The following PLPPR5 variants were observed in gnomAD, a reference collection of about 807,000 sequenced individuals.
PLPPR5 encodes phospholipid phosphatase related 5, also known as phospholipid phosphatase-related protein type 5.
Under a neutral mutation model 33.9 loss-of-function variants are expected in PLPPR5, and 16 were observed. That is an observed-to-expected ratio of 0.47 (90% CI 0.32 to 0.72). The LOEUF is 0.72. Among genes scored for constraint, PLPPR5 ranks in the 30% least tolerant of loss-of-function variants. The pLI is 0.03. For synonymous variants in PLPPR5, 163 were observed against 150.3 expected, an observed-to-expected ratio of 1.08 and a Z score of -0.62; for missense variants, 301 against 406.7, an observed-to-expected ratio of 0.74 and a Z score of 2.23.
At chr1:98,988,027 T>C (rs1348797110) in intron 1 of PLPPR5, among the ~76,000 whole-genome samples, 1 of 152,102 alleles carries the variant, frequency 6.6e-6, no homozygotes, top group Non-Finnish European at 1.5e-5. Context: ...TTTGCACAAG[T>C]GCAGTAAGAG....
Position 98,956,627 on chromosome 1 carries a change from G to C in PLPPR5, c.352C>G (p.Arg118Gly). 6.3e-7 allele frequency: 1 copy of C among 1,586,152 alleles called. No individual in the cohort carries two copies. The highest frequency in any genetic ancestry group is 8.5e-7 in the Non-Finnish European group (1 of 1,170,584). Residue 118 changes from arginine (R) to glycine (G), a missense_variant, in exon 2 of 6, where the codon CGA becomes GGA. Physicochemically the swap from Arg to Gly is moderately radical, Grantham distance 125. Transcript: ENST00000263177. ...DCCYINPLVR[R>G]TVRFLGIYTF... ...CACATACCAAGAAATCGGACAGTTCGGCGCACCAGCGGGTTTATATAGCAA... is the reference window on the plus strand; with the variant it reads ...CACATACCAAGAAATCGGACAGTTCCGCGCACCAGCGGGTTTATATAGCAA...
chr1:98,958,763 T>G (rs1651117728), intron 1 of PLPPR5, among the ~76,000 whole-genome samples: 1 of 152,184 alleles, frequency 6.6e-6, no homozygotes, highest in Non-Finnish European at 1.5e-5. Flanking sequence ...ATGATGATGC[T>G]TTCTGGGTTT....
At chr1:98,963,330 C>T (rs570366960) in intron 1 of PLPPR5, among the ~76,000 whole-genome samples, 3 of 152,272 alleles carry the variant, frequency 2.0e-5, no homozygotes, top group East Asian at 1.9e-4. Context: ...TTTGCATATG[C>T]GTTTATAAGT....
At chr1:98,902,422 G>C (rs772952864) in intron 5 of PLPPR5, among the ~76,000 whole-genome samples, 1 of 151,648 alleles carries the variant, frequency 6.6e-6, no homozygotes, top group Admixed American at 6.6e-5. Flanking sequence ...TTCGTTTTTT[G>C]TTTTGCTTAT....
At position 99,002,296 on chromosome 1, in the gene PLPPR5, G is replaced by A. The variant is rs77564461; in HGVS notation, c.237+2139C>T. ...TAAAAGAACTAAAAGCCAAAACATC[G>A]AAATCAAGTTGGATTCTGACTTCAG... On this transcript the variant is annotated intron_variant, in intron 1 of 5. Coordinates refer to ENST00000263177, the MANE Select transcript of PLPPR5 (RefSeq NM_001037317.2). Among the ~76,000 whole-genome samples the A allele has an allele frequency of 4.5e-3, 686 of 152,118 alleles. 7 individuals carry two copies. Among genetic ancestry groups the A allele is most frequent in the Non-Finnish European group, 6.3e-3 (429 of 67,998 alleles).
intron 4 of PLPPR5, among the ~76,000 whole-genome samples, chr1:98,917,783 A>T (rs1279187286): frequency 1.3e-5 from 2 of 152,188 alleles, no homozygotes; most frequent in African/African-American, 2.4e-5. Flanking sequence ...TATGAAATTA[A>T]ACATCATTTA....
chr1:98,906,609 T>A (rs755715038), intron 5 of PLPPR5, among the ~76,000 whole-genome samples: 7 of 152,146 alleles, frequency 4.6e-5, no homozygotes, highest in Non-Finnish European at 1.0e-4. Context: ...AAGTCCAAAG[T>A]AACTGGAGTA....
At chr1:98,986,410 A>G (rs768939643) in intron 1 of PLPPR5, among the ~76,000 whole-genome samples, 2 of 151,902 alleles carry the variant, frequency 1.3e-5, no homozygotes, top group Admixed American at 1.3e-4. Flanking sequence ...CTAAAACTTA[A>G]GGTTACTAGG....
intron 1 of PLPPR5, among the ~76,000 whole-genome samples, chr1:98,986,745 G>A (rs1248778524): frequency 6.6e-6 from 1 of 151,720 alleles, no homozygotes; most frequent in African/African-American, 2.4e-5. Flanking sequence ...TTCTAAATAG[G>A]GAACATTACA....
intron 3 of PLPPR5, among the ~76,000 whole-genome samples, chr1:98,951,298 T>C (rs1650775225): frequency 6.6e-6 from 1 of 152,164 alleles, no homozygotes; most frequent in African/African-American, 2.4e-5. Context: ...GGAAAGAATA[T>C]GCATGGGCTA....
intron 3 of PLPPR5, among the ~76,000 whole-genome samples, chr1:98,925,351 A>G (rs1055568752): frequency 6.6e-6 from 1 of 152,160 alleles, no homozygotes; most frequent in Non-Finnish European, 1.5e-5. Context: ...TCGCAGGCCA[A>G]TCCATTTAAT....
At chr1:98,920,107 G>A (rs766617706) in intron 4 of PLPPR5, among the ~76,000 whole-genome samples, 7 of 152,160 alleles carry the variant, frequency 4.6e-5, no homozygotes, top group African/African-American at 7.2e-5. Context: ...TGCAATTGGA[G>A]GGTCTTGAGC....
At chr1:98,992,505 C>T (rs1030667825) in intron 1 of PLPPR5, among the ~76,000 whole-genome samples, 1 of 152,058 alleles carries the variant, frequency 6.6e-6, no homozygotes, top group African/African-American at 2.4e-5. Context: ...GTGAAAATCA[C>T]ACTGTAAGAA....
At chr1:98,936,027 G>C (rs952632985) in intron 3 of PLPPR5, among the ~76,000 whole-genome samples, 1 of 152,162 alleles carries the variant, frequency 6.6e-6, no homozygotes, top group Non-Finnish European at 1.5e-5. Flanking sequence ...GAACAGACAC[G>C]GGGGACGTTC....
intron 1 of PLPPR5, among the ~76,000 whole-genome samples, chr1:98,958,060 CTA>C (rs1651080131): frequency 6.6e-6 from 1 of 152,186 alleles, no homozygotes; most frequent in Admixed American, 6.5e-5. Context: ...AAATTTCTCT[CTA>C]ATACTATGAA....
chr1:98,917,805 T>C (rs1161518207), intron 4 of PLPPR5, among the ~76,000 whole-genome samples: 1 of 152,220 alleles, frequency 6.6e-6, no homozygotes, highest in Non-Finnish European at 1.5e-5. Flanking sequence ...AGTAATACTT[T>C]GATTGATGTG....
At chr1:98,998,012 G>C (rs1321253597) in intron 1 of PLPPR5, among the ~76,000 whole-genome samples, 2 of 152,024 alleles carry the variant, frequency 1.3e-5, no homozygotes, top group African/African-American at 4.8e-5. Flanking sequence ...AACACTAACT[G>C]GTGTTATGGT....
chr1:98,966,617 G>A (rs1651458993), intron 1 of PLPPR5, among the ~76,000 whole-genome samples: 2 of 152,180 alleles, frequency 1.3e-5, no homozygotes, highest in Admixed American at 1.3e-4. Context: ...ACAGTTAAGG[G>A]AAGTGGAGGG....
chr1:98,905,478 C>T (rs1332554528), intron 5 of PLPPR5, among the ~76,000 whole-genome samples: 4 of 152,066 alleles, frequency 2.6e-5, no homozygotes, highest in Admixed American at 6.5e-5. Context: ...AATGCTTGAA[C>T]ATTTTTCCTA....
Sources: allele counts gnomAD v4.1 joint callset (sites outside exome capture counted in the v4.1 genomes callset), GRCh38; gene constraint gnomAD v4.1.1; transcripts MANE v1.5; gene names NCBI Gene and HGNC (gene_info 2026-07-23, HGNC 2026-07-21).